PPA2: variants seen among roughly 807,000 people sequenced by gnomAD.
PPA2 encodes the protein inorganic pyrophosphatase 2, mitochondrial.
A neutral mutation model predicts 49.5 loss-of-function variants in PPA2; 48 were observed. That is an observed-to-expected ratio of 0.97 (90% CI 0.77 to 1.23). The LOEUF (loss-of-function observed/expected upper bound fraction) is 1.23. Among genes scored for constraint, PPA2 ranks in the 50% most tolerant of loss-of-function variants. The probability of loss-of-function intolerance (pLI) is 0.00; values close to 1 mark genes in which losing one functional copy is unlikely to be tolerated. For missense variants in PPA2, 429 were observed against 410.1 expected (o/e 1.05, Z -0.40); for synonymous variants, 131 against 139.9 (o/e 0.94, Z 0.45).
At chr4:105,455,825 C>A (rs1722855311) in intron 2 of PPA2, among the ~76,000 whole-genome samples, 1 of 152,154 alleles carries the variant, frequency 6.6e-6, no homozygotes, top group African/African-American at 2.4e-5. Flanking sequence ...ATATTGATCA[C>A]CCCACATCCT....
intron 2 of PPA2, among the ~76,000 whole-genome samples, chr4:105,454,983 T>C (rs1479780319): frequency 6.6e-5 from 10 of 152,208 alleles, no homozygotes; most frequent in Non-Finnish European, 1.2e-4. Flanking sequence ...TGCTATAGCA[T>C]ACCCCTGACA....
chr4:105,394,387 A>G lies in PPA2; in HGVS notation c.869+1862T>C, dbSNP rs556156767. ...AGATTCCATTTCAAAAAAAAAAAAA[A>G]AAAGAAAGAAAAAAAAAGAGAGTAA... is the stretch of plus-strand genomic sequence containing the variant. On this transcript the variant is annotated intron_variant, in intron 9 of 11. Coordinates refer to ENST00000341695, the MANE Select transcript of PPA2 (RefSeq NM_176869.3). Among the ~76,000 whole-genome samples the G allele has an allele frequency of 2.4e-3, 293 of 123,718 alleles. 1 individual carries two copies. Among genetic ancestry groups the G allele is most frequent in the Non-Finnish European group, 4.5e-3 (238 of 52,968 alleles). 81.2% of individuals were successfully genotyped at this position (123,718 alleles called of 152,430 possible).
chr4:105,473,989 C>T lies in PPA2; in HGVS notation c.62G>A (p.Gly21Glu). 6.2e-7 allele frequency: 1 copy of T among 1,608,878 alleles called. No homozygotes were observed. The highest frequency in any genetic ancestry group is 8.5e-7 in the Non-Finnish European group (1 of 1,177,996). The change falls in exon 1 of 12, where the codon GGG becomes GAG. Residue 21 changes from glycine to glutamate, a missense_variant. Transcript: ENST00000341695. ...GAPAAACLRL[G>E]TSAGTGSRRA... ...GCGCGACCCGGTCCCTGCACTGGTC[C>T]CCAACCGCAGGCACGCAGCGGCTGG...
chr4:105,385,823 G>A (rs1443661768), intron 10 of PPA2, among the ~76,000 whole-genome samples: 1 of 151,278 alleles, frequency 6.6e-6, no homozygotes, highest in African/African-American at 2.4e-5. Flanking sequence ...AAAAGCAAAG[G>A]GTCTCACCAA....
At chr4:105,402,147 C>T (rs1722225093) in intron 7 of PPA2, among the ~76,000 whole-genome samples, 1 of 151,950 alleles carries the variant, frequency 6.6e-6, no homozygotes, top group South Asian at 2.1e-4. Context: ...CATGGCATGC[C>T]CCTAATCCCA....
At chr4:105,382,677 A>G (rs1293114605) in intron 10 of PPA2, among the ~76,000 whole-genome samples, 1 of 152,122 alleles carries the variant, frequency 6.6e-6, no homozygotes, top group East Asian at 1.9e-4. Flanking sequence ...AAATCAGGTG[A>G]AGGTTAAAAA....
chr4:105,375,633 G>C (rs962254273), intron 10 of PPA2, among the ~76,000 whole-genome samples: 1 of 152,148 alleles, frequency 6.6e-6, no homozygotes, highest in African/African-American at 2.4e-5. Flanking sequence ...CAACCCTGGT[G>C]ATAAGAGGGT....
chr4:105,426,936 G>A (rs527742765), intron 6 of PPA2, among the ~76,000 whole-genome samples: 7 of 152,300 alleles, frequency 4.6e-5, no homozygotes, highest in East Asian at 1.9e-4. Context: ...GCCTGACTGC[G>A]AGACACCTCC....
rs9685356 is a variant in PPA2 at position 105,454,958 on chromosome 4, G to A, written c.223-1316C>T. On this transcript the variant is annotated intron_variant, in intron 2 of 11. Coordinates refer to ENST00000341695, the MANE Select transcript of PPA2 (RefSeq NM_176869.3). ...GCTTTATTATTATTGTTGTTATGATGAGGTATACAGATTTTGCTATAGCAT... is the reference window on the plus strand; with the variant it reads ...GCTTTATTATTATTGTTGTTATGATAAGGTATACAGATTTTGCTATAGCAT... 4.9e-3 allele frequency among the ~76,000 whole-genome samples: 751 copies of A among 152,192 alleles called. 10 individuals carry two copies. The highest frequency in any genetic ancestry group is 0.017 in the African/African-American group (708 of 41,520).
chr4:105,387,777 A>G (rs79766615), intron 9 of PPA2, among the ~76,000 whole-genome samples: 24 of 133,194 alleles, frequency 1.8e-4, no homozygotes, highest in African/African-American at 4.3e-4. Context: ...GTTGAGGGGG[A>G]AAAAAAAGAC....
chr4:105,473,718 T>C, intron 1 of PPA2, 176 bp downstream of exon 1: 1 of 1,003,342 alleles, frequency 1.0e-6, no homozygotes, highest in Non-Finnish European at 1.6e-6. Context: ...CTGGCAGTTC[T>C]CGTGACTCGG....
chr4:105,454,935 TTTA>T (rs1460100910), intron 2 of PPA2, among the ~76,000 whole-genome samples: 1 of 152,180 alleles, frequency 6.6e-6, no homozygotes, highest in Non-Finnish European at 1.5e-5. Context: ...AAAATACAGC[TTTA>T]TTATTATTGT....
chr4:105,398,903 A>G, intron 8 of PPA2, 134 bp downstream of exon 8: 1 of 741,764 alleles, frequency 1.3e-6, no homozygotes, highest in Non-Finnish European at 2.0e-6. Context: ...TAATGTTTTT[A>G]AATATGTAAG....
At chr4:105,415,082 C>G (rs1722944085) in intron 7 of PPA2, among the ~76,000 whole-genome samples, 1 of 152,144 alleles carries the variant, frequency 6.6e-6, no homozygotes, top group Admixed American at 6.5e-5. Flanking sequence ...GAAGTGTGTG[C>G]TGATTGGCCC....
At chr4:105,437,449 T>G (rs997289093) in intron 6 of PPA2, among the ~76,000 whole-genome samples, 54 of 152,120 alleles carry the variant, frequency 3.5e-4, no homozygotes, top group African/African-American at 1.2e-3. Context: ...TTGTTTTTAT[T>G]CAGTAGGATG....
At chr4:105,465,601 T>C (rs1017598748) in intron 1 of PPA2, among the ~76,000 whole-genome samples, 1 of 152,168 alleles carries the variant, frequency 6.6e-6, no homozygotes, top group African/African-American at 2.4e-5. Flanking sequence ...AGTTGTTAAA[T>C]GTCTAAAATG....
At chr4:105,373,459 C>CG (rs923874257) in intron 10 of PPA2, among the ~76,000 whole-genome samples, 36 of 140,600 alleles carry the variant, frequency 2.6e-4, no homozygotes, top group African/African-American at 9.1e-4. Context: ...TATAACAATA[C>CG]AAAATTTTTT....
At chr4:105,472,987 G>A (rs1723588514) in intron 1 of PPA2, among the ~76,000 whole-genome samples, 1 of 152,144 alleles carries the variant, frequency 6.6e-6, no homozygotes. Flanking sequence ...TGAAGAACTC[G>A]AGGGCCTGCT....
chr4:105,421,065 T>C (rs1196977713), intron 7 of PPA2, among the ~76,000 whole-genome samples: 1 of 152,128 alleles, frequency 6.6e-6, no homozygotes, highest in Non-Finnish European at 1.5e-5. Context: ...AGGATAAAAA[T>C]GTAGAAACCA....
Sources: allele counts gnomAD v4.1 joint callset (sites outside exome capture counted in the v4.1 genomes callset), GRCh38; gene constraint gnomAD v4.1.1; transcripts MANE v1.5; gene names NCBI Gene and HGNC (gene_info 2026-07-23, HGNC 2026-07-21).